PTPRN2: variants seen among roughly 807,000 people sequenced by gnomAD.
The protein encoded by PTPRN2 is receptor-type tyrosine-protein phosphatase N2.
In PTPRN2, 74 loss-of-function variants were observed where a neutral mutation model predicts 118.8. The observed-to-expected ratio is 0.62, with a 90% confidence interval of 0.52 to 0.76. The LOEUF (loss-of-function observed/expected upper bound fraction) is 0.76, where lower values mean the gene tolerates loss of function less well. Ranked by LOEUF, PTPRN2 falls within the 30% of genes least tolerant of loss-of-function variation. The pLI, the probability that PTPRN2 is intolerant of heterozygous loss-of-function variation, is 0.00. For synonymous variants in PTPRN2, 641 were observed against 608.0 expected (o/e 1.05, Z -0.80); for missense variants, 1,481 against 1,394.4 (o/e 1.06, Z -0.99).
At chr7:158,444,656 G>A (rs1817605094) in intron 2 of PTPRN2, among the ~76,000 whole-genome samples, 1 of 152,194 alleles carries the variant, frequency 6.6e-6, no homozygotes. Context: ...CTGCTCGCCA[G>A]AACGTCTCAG....
intron 10 of PTPRN2, among the ~76,000 whole-genome samples, chr7:158,089,445 A>T (rs879908276): frequency 6.7e-5 from 3 of 44,618 alleles, no homozygotes; most frequent in African/African-American, 1.1e-4. Context: ...CTTCACACAA[A>T]CCTTCTTCCC....
chr7:158,335,706 TAAG>T (rs1271562955), intron 2 of PTPRN2, among the ~76,000 whole-genome samples: 2 of 13,854 alleles, frequency 1.4e-4, no homozygotes, highest in African/African-American at 4.5e-4. Context: ...ACTCTCACCA[TAAG>T]AAGTGACACC....
At chr7:158,117,214 C>A in intron 9 of PTPRN2, among the ~76,000 whole-genome samples, 1 of 151,866 alleles carries the variant, frequency 6.6e-6, no homozygotes, top group East Asian at 1.9e-4. Context: ...ATGAAAATGT[C>A]AAAGAGAAAA....
intron 19 of PTPRN2, among the ~76,000 whole-genome samples, chr7:157,573,903 G>A (rs1319238992): frequency 5.9e-5 from 9 of 152,176 alleles, no homozygotes; most frequent in Admixed American, 5.9e-4. Flanking sequence ...AAACCCACGG[G>A]CAGTCAAGGA....
intron 11 of PTPRN2, among the ~76,000 whole-genome samples, chr7:157,923,449 C>T (rs957004959): frequency 6.6e-6 from 1 of 152,142 alleles, no homozygotes; most frequent in Non-Finnish European, 1.5e-5. Context: ...TTTCCCCTCG[C>T]GAGGCAGAGC....
chr7:158,122,085 C>G (rs749478687), intron 9 of PTPRN2, among the ~76,000 whole-genome samples: 1 of 152,170 alleles, frequency 6.6e-6, no homozygotes, highest in Non-Finnish European at 1.5e-5. Context: ...CTGCATGTGG[C>G]GGCTTCCACC....
rs1211831257 is a variant in PTPRN2 at position 157,587,954 on chromosome 7, G to T, written c.2496+7284C>A. Among the ~76,000 whole-genome samples the T allele has an allele frequency of 6.6e-6, 1 of 150,520 alleles. No individual in the cohort carries two copies. Among genetic ancestry groups the T allele is most frequent in the Admixed American group, 6.6e-5 (1 of 15,168 alleles). On this transcript the variant is annotated intron_variant, in intron 17 of 22. Coordinates refer to ENST00000389418, the MANE Select transcript of PTPRN2 (RefSeq NM_002847.5). This position sits in a 1 kb window ranked among gnomAD's most constrained non-coding sequence, Gnocchi z 5.3. ...CTGTCCCCGTGCCTGGGCTCCCGCG[G>T]TGGCTGTCCCCGTGCCTGGGCTCCC... is the stretch of plus-strand genomic sequence containing the variant.
intron 11 of PTPRN2, among the ~76,000 whole-genome samples, chr7:158,041,092 C>A (rs184865910): frequency 6.6e-6 from 1 of 152,044 alleles, no homozygotes; most frequent in Admixed American, 6.5e-5. Context: ...GACACAGGTC[C>A]GACACTCGGA....
intron 9 of PTPRN2, among the ~76,000 whole-genome samples, chr7:158,127,413 G>C (rs1041103892): frequency 6.6e-6 from 1 of 151,986 alleles, no homozygotes; most frequent in East Asian, 1.9e-4. Context: ...CACACACTGC[G>C]GCTGCCACTC....
chr7:158,136,555 A>G, intron 8 of PTPRN2, 100 bp downstream of exon 8: 2 of 1,153,606 alleles, frequency 1.7e-6, no homozygotes, highest in Non-Finnish European at 1.2e-6. Flanking sequence ...ATTTTCTGGG[A>G]AAAAAACTTT....
intron 12 of PTPRN2, among the ~76,000 whole-genome samples, chr7:157,892,514 G>A (rs1431321892): frequency 6.6e-6 from 1 of 152,166 alleles, no homozygotes; most frequent in Non-Finnish European, 1.5e-5. Context: ...TGGCTTAAAA[G>A]GTTTTAATTC....
chr7:157,705,298 T>G (rs551704795), intron 12 of PTPRN2, among the ~76,000 whole-genome samples: 1 of 152,144 alleles, frequency 6.6e-6, no homozygotes, highest in Non-Finnish European at 1.5e-5. Flanking sequence ...AGAGTGAGAC[T>G]CCAAAACAAA....
intron 2 of PTPRN2, among the ~76,000 whole-genome samples, chr7:158,440,859 G>GAT (rs1563294781): frequency 2.8e-4 from 40 of 143,146 alleles, no homozygotes; most frequent in African/African-American, 1.1e-3. Flanking sequence ...GGGTGGTGGT[G>GAT]GGGGCAGTGG....
chr7:157,940,276 T>A (rs565264264), intron 11 of PTPRN2, among the ~76,000 whole-genome samples: 2 of 152,300 alleles, frequency 1.3e-5, no homozygotes, highest in South Asian at 4.1e-4. Context: ...CCCTTCCTAG[T>A]GTTATTATTA....
At chr7:158,264,494 T>C (rs1172997608) in intron 3 of PTPRN2, among the ~76,000 whole-genome samples, 1 of 152,098 alleles carries the variant, frequency 6.6e-6, no homozygotes, top group East Asian at 1.9e-4. Context: ...CTCCTGTCCA[T>C]ACGACAGATC....
At chr7:157,946,247 A>T (rs988071183) in intron 11 of PTPRN2, among the ~76,000 whole-genome samples, 2 of 152,128 alleles carry the variant, frequency 1.3e-5, no homozygotes, top group Admixed American at 6.5e-5. Context: ...CCCATGCCTC[A>T]TGGGAGTTTT....
intron 12 of PTPRN2, among the ~76,000 whole-genome samples, chr7:157,774,594 G>A (rs1042293263): frequency 2.0e-5 from 3 of 152,234 alleles, no homozygotes; most frequent in Non-Finnish European, 2.9e-5. Context: ...ACAAGACAGT[G>A]TGCGTGGAGG....
chr7:158,110,565 A>G, intron 10 of PTPRN2, among the ~76,000 whole-genome samples: 1 of 152,198 alleles, frequency 6.6e-6, no homozygotes. Flanking sequence ...AATGTTCTAG[A>G]GCCTTCGGTG....
intron 13 of PTPRN2, among the ~76,000 whole-genome samples, chr7:157,667,186 AATGAGT>A (rs1377971140): frequency 1.7e-4 from 15 of 88,678 alleles, no homozygotes; most frequent in Admixed American, 2.3e-4. Flanking sequence ...TGGTGTGTGC[AATGAGT>A]ACACAGCCTG....
Sources: gnomAD v4.1 joint callset for allele counts (sites outside exome capture counted in the v4.1 genomes callset) on GRCh38, gnomAD v4.1.1 for gene constraint, Gnocchi (gnomAD v3.1) non-coding constraint, MANE v1.5 for transcripts, NCBI Gene and HGNC (gene_info 2026-07-23, HGNC 2026-07-21) for gene names.